FAM120C: variants seen among roughly 807,000 people sequenced by gnomAD.
FAM120C encodes the protein constitutive coactivator of PPAR-gamma-like protein 2.
FAM120C carries 14 observed loss-of-function variants against 71.2 expected under a neutral mutation model. That is an observed-to-expected ratio of 0.20 (90% CI 0.13 to 0.31). The LOEUF is 0.31. Among genes scored for constraint, FAM120C ranks in the 10% least tolerant of loss-of-function variants. The pLI is 1.00. For synonymous variants in FAM120C, 354 were observed against 353.2 expected (o/e 1.00, Z -0.03); for missense variants, 500 against 879.0 (o/e 0.57, Z 5.45).
chrX:54,145,812 T>C (rs1433635712), intron 4 of FAM120C, among the ~76,000 whole-genome samples: 1 of 111,982 alleles, frequency 8.9e-6, no homozygotes, highest in Non-Finnish European at 1.9e-5. Flanking sequence ...ACTGGGTATA[T>C]ACCCAAAGGA....
intron 15 of FAM120C, 89 bp from the exon 16 acceptor site, chrX:54,073,376 G>A (rs955978372): frequency 5.2e-6 from 5 of 966,504 alleles, no homozygotes; most frequent in Middle Eastern, 3.9e-4. Flanking sequence ...CTGAGGAAGC[G>A]GCTTCAGTTC....
intron 3 of FAM120C, among the ~76,000 whole-genome samples, chrX:54,155,943 T>A (rs1380919347): frequency 9.0e-6 from 1 of 111,023 alleles, no homozygotes; most frequent in East Asian, 2.8e-4. Context: ...AAAATTTTTT[T>A]AAATAAATAG....
intron 5 of FAM120C, 122 bp from the exon 6 acceptor site, chrX:54,135,726 GCTA>G (rs2067091255): frequency 2.0e-6 from 1 of 493,064 alleles, no homozygotes; most frequent in Non-Finnish European, 3.4e-6. Flanking sequence ...TTATTGAACA[GCTA>G]CTATGTGCCA....
Position 54,173,598 on chromosome X carries a change from G to T in FAM120C, c.699+8902C>A, listed in dbSNP as rs781969608. Among the ~76,000 whole-genome samples the T allele has an allele frequency of 7.1e-5, 8 of 112,367 alleles. No homozygotes were observed. In the South Asian group the frequency reaches 2.9e-3, roughly 41 times the overall value. ...TTACTTTTAAATGGTATCTTAAATCGTAGTCTTTCAACAGACACATTTTAT... is the reference window on the plus strand; with the variant it reads ...TTACTTTTAAATGGTATCTTAAATCTTAGTCTTTCAACAGACACATTTTAT... On this transcript the variant is annotated intron_variant, in intron 1 of 15. Transcript: ENST00000375180.
chrX:54,080,216 C>CA lies in FAM120C; in HGVS notation c.3036+15dup, dbSNP rs781845932. 27 of 1,188,501 alleles carry CA rather than the reference C, an allele frequency of 2.3e-5. No individual in the cohort carries two copies. Among genetic ancestry groups the CA allele is most frequent in the African/African-American group, 5.3e-5 (3 of 56,592 alleles). ...GCATCAAACAGAAGCTAAATAATCT[C>CA]AAAAAAAATACTTACTTGCTTATTT... On this transcript the variant is annotated intron_variant, in intron 15 of 15. Transcript: ENST00000375180.
chrX:54,117,931 T>C (rs376642582), intron 9 of FAM120C, among the ~76,000 whole-genome samples: 7 of 111,405 alleles, frequency 6.3e-5, no homozygotes, highest in African/African-American at 2.3e-4. Context: ...TCTTTTAGAT[T>C]CACAAAGGCA....
At chrX:54,127,140 C>G (rs2067031389) in intron 9 of FAM120C, among the ~76,000 whole-genome samples, 1 of 110,943 alleles carries the variant, frequency 9.0e-6, no homozygotes, top group South Asian at 3.8e-4. Context: ...TGCTCATGAC[C>G]TAATTATCTC....
At chrX:54,141,134 A>G (rs1557131603) in intron 4 of FAM120C, among the ~76,000 whole-genome samples, 1 of 111,468 alleles carries the variant, frequency 9.0e-6, no homozygotes, top group East Asian at 2.8e-4. Flanking sequence ...CTCTTCCAAT[A>G]ACAGAAGAGG....
chrX:54,144,811 A>C, intron 4 of FAM120C, among the ~76,000 whole-genome samples: 1 of 111,916 alleles, frequency 8.9e-6, no homozygotes, highest in Middle Eastern at 4.6e-3. Flanking sequence ...ATTGGAAAAA[A>C]CTACCTTAAA....
intron 1 of FAM120C, among the ~76,000 whole-genome samples, chrX:54,160,226 C>T (rs782245762): frequency 2.7e-5 from 3 of 111,371 alleles, no homozygotes; most frequent in South Asian, 3.8e-4. Flanking sequence ...AAAACTTAGA[C>T]GTAGAAATAG....
chrX:54,073,000 T>C lies in FAM120C; in HGVS notation c.*33A>G. The C allele has an allele frequency of 2.6e-6, 3 of 1,173,086 alleles. No homozygotes were observed. Among genetic ancestry groups the C allele is most frequent in the Non-Finnish European group, 3.4e-6 (3 of 875,414 alleles). ...AATCAGAAAAGTAAAAGTTTTTCCC[T>C]CTTCCTGGTTTGGTGAAGCCATCTT... On this transcript the variant is annotated 3_prime_UTR_variant, in exon 16 of 16. Coordinates refer to ENST00000375180, the MANE Select transcript of FAM120C (RefSeq NM_017848.6).
chrX:54,085,570 A>C (rs1557121860), intron 13 of FAM120C, 145 bp downstream of exon 13: 2 of 547,740 alleles, frequency 3.7e-6, no homozygotes, highest in Non-Finnish European at 5.7e-6. Context: ...CTGGGCGACA[A>C]GAGTGAAACT....
At chrX:54,127,494 G>A (rs2067033767) in intron 9 of FAM120C, among the ~76,000 whole-genome samples, 1 of 105,740 alleles carries the variant, frequency 9.5e-6, no homozygotes, top group Admixed American at 1.0e-4. Flanking sequence ...GGGAGGCTGA[G>A]GCAGGAGAAT....
rs1351962016 is a variant in FAM120C, at chrX:54,071,223, G to C, written c.*1810C>G. 1 of 112,120 alleles carries C rather than the reference G, an allele frequency of 8.9e-6. No homozygotes were observed. The highest frequency in any genetic ancestry group is 1.9e-5 in the Non-Finnish European group (1 of 53,218). 9.2% of individuals were successfully genotyped at this position (112,120 alleles called of 1,213,427 possible). A position where few individuals can be genotyped will look rare whatever the true frequency, so the allele number is the denominator to read the frequency against. On this transcript the variant is annotated 3_prime_UTR_variant, in exon 16 of 16. Coordinates refer to ENST00000375180, the MANE Select transcript of FAM120C (RefSeq NM_017848.6). ...CTCATAGTTAGGCTGCCCAAGGAGG[G>C]AAACTGGAAATGCAAGGTTGTCTCA...
intron 15 of FAM120C, among the ~76,000 whole-genome samples, chrX:54,075,810 A>G (rs1557120567): frequency 9.4e-6 from 1 of 105,944 alleles, no homozygotes; most frequent in Non-Finnish European, 1.9e-5. Flanking sequence ...AAAAAAAAAA[A>G]AAAAGAATTT....
At chrX:54,100,053 C>A (rs181812817) in intron 10 of FAM120C, among the ~76,000 whole-genome samples, 68 of 112,196 alleles carry the variant, frequency 6.1e-4, no homozygotes, top group African/African-American at 2.2e-3. Flanking sequence ...GAAATCTAAA[C>A]AAGTTATCTA....
intron 15 of FAM120C, among the ~76,000 whole-genome samples, chrX:54,077,404 G>A (rs961704207): frequency 2.7e-5 from 3 of 111,602 alleles, no homozygotes; most frequent in African/African-American, 6.5e-5. Flanking sequence ...TTTAAAATGG[G>A]GAACAGGCCA....
intron 3 of FAM120C, among the ~76,000 whole-genome samples, chrX:54,155,119 A>T (rs1219169432): frequency 3.6e-5 from 4 of 111,740 alleles, no homozygotes; most frequent in African/African-American, 9.8e-5. Flanking sequence ...CAGGAGGACC[A>T]ATTGAGTCCG....
intron 1 of FAM120C, among the ~76,000 whole-genome samples, chrX:54,166,693 A>G (rs1364345566): frequency 9.0e-6 from 1 of 111,628 alleles, no homozygotes; most frequent in Admixed American, 9.6e-5. Context: ...TTTAAAAGGT[A>G]TTTTTTGTGT....
Sources: gnomAD v4.1 joint callset for allele counts (sites outside exome capture counted in the v4.1 genomes callset) on GRCh38, gnomAD v4.1.1 for gene constraint, MANE v1.5 for transcripts, NCBI Gene and HGNC (gene_info 2026-07-23, HGNC 2026-07-21) for gene names.